Variants in LSAMP observed in about 807,000 individuals in gnomAD.
LSAMP encodes the protein limbic system-associated membrane protein.
Under a neutral mutation model 38.6 loss-of-function variants are expected in LSAMP, and 7 were observed. That is an observed-to-expected ratio of 0.18 (90% CI 0.10 to 0.34). The LOEUF is 0.34. Ranked by LOEUF, LSAMP falls within the 10% of genes least tolerant of loss-of-function variation. The probability of loss-of-function intolerance (pLI) is 1.00; values close to 1 mark genes in which losing one functional copy is unlikely to be tolerated. For synonymous variants in LSAMP, 154 were observed against 166.8 expected, an observed-to-expected ratio of 0.92 and a Z score of 0.59; for missense variants, 313 against 420.0, an observed-to-expected ratio of 0.75 and a Z score of 2.23.
At chr3:116,204,146 A>G (rs1396610476) in intron 1 of LSAMP, among the ~76,000 whole-genome samples, 6 of 152,166 alleles carry the variant, frequency 3.9e-5, no homozygotes, top group East Asian at 3.9e-4. Context: ...TTTCTCTGAT[A>G]GCCAGTGATG....
intron 1 of LSAMP, among the ~76,000 whole-genome samples, chr3:116,162,145 A>C (rs930910161): frequency 6.6e-6 from 1 of 152,196 alleles, no homozygotes; most frequent in Non-Finnish European, 1.5e-5. Flanking sequence ...AATGAATTCT[A>C]GTGCTAGTCT....
At chr3:115,936,413 G>A (rs1937702980) in intron 3 of LSAMP, among the ~76,000 whole-genome samples, 1 of 152,108 alleles carries the variant, frequency 6.6e-6, no homozygotes, top group Non-Finnish European at 1.5e-5. Context: ...TATTAATTTG[G>A]TGTGCTTTTT....
Position 116,293,528 on chromosome 3 carries a change from A to G in LSAMP, c.155+151349T>C, listed in dbSNP as rs570295500. Among the ~76,000 whole-genome samples the G allele has an allele frequency of 3.3e-5, 5 of 152,286 alleles. No homozygotes were observed. The South Asian group carries it at 1.0e-3, about 32-fold the overall frequency. On this transcript the variant is annotated intron_variant, in intron 1 of 6. Transcript: ENST00000490035. ...CATAGAACAAAAAAATGGAGGATTG[A>G]ATTTAGTCGCAGACAGTTCATACAG...
At chr3:116,189,461 G>T (rs1482422338) in intron 1 of LSAMP, among the ~76,000 whole-genome samples, 4 of 152,036 alleles carry the variant, frequency 2.6e-5, no homozygotes, top group Non-Finnish European at 5.9e-5. Context: ...ACTGTGTCTG[G>T]GCAATGTCAC....
intron 3 of LSAMP, among the ~76,000 whole-genome samples, chr3:115,856,192 T>C (rs1190734259): frequency 6.6e-6 from 1 of 152,202 alleles, no homozygotes; most frequent in Non-Finnish European, 1.5e-5. Flanking sequence ...ACAGACCCAA[T>C]GCTGGTGCTT....
In LSAMP at chr3:116,215,212, G is replaced by A. The variant is rs114435949; in HGVS notation, c.156-128656C>T. ...AAGGAATAAGTTGCTGAAGTGTGCT[G>A]TGGTCAACTGTGAGATGCTCTTCAA... On this transcript the variant is annotated intron_variant, in intron 1 of 6. Coordinates refer to ENST00000490035, the MANE Select transcript of LSAMP (RefSeq NM_002338.5). 4.6e-4 allele frequency among the ~76,000 whole-genome samples: 70 copies of A among 152,322 alleles called. 1 individual carries two copies. Among genetic ancestry groups the A allele is most frequent in the African/African-American group, 1.6e-3 (68 of 41,574 alleles).
intron 1 of LSAMP, among the ~76,000 whole-genome samples, chr3:116,134,084 G>A (rs555581166): frequency 6.6e-6 from 1 of 151,878 alleles, no homozygotes; most frequent in Non-Finnish European, 1.5e-5. Flanking sequence ...TAAAAGACGG[G>A]GTCTCATTTG....
At chr3:116,260,780 A>G (rs2046815656) in intron 1 of LSAMP, among the ~76,000 whole-genome samples, 1 of 152,164 alleles carries the variant, frequency 6.6e-6, no homozygotes. Flanking sequence ...ATTAGTGTGT[A>G]TCTATGCCTT....
At chr3:115,836,297 G>C (rs982749411) in intron 6 of LSAMP, among the ~76,000 whole-genome samples, 26 of 152,070 alleles carry the variant, frequency 1.7e-4, no homozygotes, top group African/African-American at 6.0e-4. Context: ...TCTTTCCTTA[G>C]ATGCTTCTCC....
intron 1 of LSAMP, among the ~76,000 whole-genome samples, chr3:116,331,499 A>G (rs925294704): frequency 2.0e-4 from 31 of 152,214 alleles, no homozygotes; most frequent in African/African-American, 7.5e-4. Context: ...CAACAAGAGA[A>G]AATGACACAT....
intron 1 of LSAMP, among the ~76,000 whole-genome samples, chr3:116,337,582 C>A (rs2047937345): frequency 6.6e-6 from 1 of 151,872 alleles, no homozygotes; most frequent in African/African-American, 2.4e-5. Context: ...CTTGCTGACC[C>A]AATGATTAAT....
intron 1 of LSAMP, among the ~76,000 whole-genome samples, chr3:116,281,943 C>A (rs12107026): frequency 0.013 from 1,924 of 152,278 alleles, 35 homozygotes; most frequent in African/African-American, 0.041. Context: ...TTTTAATTAA[C>A]CTTCTGACAC....
chr3:116,312,556 A>AT lies in LSAMP; in HGVS notation c.155+132320dup, dbSNP rs990117549. Among the ~76,000 whole-genome samples the AT allele has an allele frequency of 7.3e-5, 11 of 151,330 alleles. No homozygotes were observed. The South Asian group carries it at 1.9e-3, about 26-fold the overall frequency. On this transcript the variant is annotated intron_variant, in intron 1 of 6. Transcript: ENST00000490035. The stretch of plus-strand genomic sequence containing the variant: ...TAATCCATTTAATTTTTTCTTTTGT[A>AT]TTTTTTTTCTATCATCTATGCCTTT...
At chr3:116,329,300 T>C (rs1559830037) in intron 1 of LSAMP, among the ~76,000 whole-genome samples, 1 of 152,276 alleles carries the variant, frequency 6.6e-6, no homozygotes, top group East Asian at 1.9e-4. Context: ...GCAGCTCATG[T>C]GTAAGTAGAG....
chr3:116,065,391 T>C (rs1242493712), intron 2 of LSAMP, among the ~76,000 whole-genome samples: 1 of 152,210 alleles, frequency 6.6e-6, no homozygotes, highest in Non-Finnish European at 1.5e-5. Context: ...ATATTTTAGT[T>C]TTTATATTTG....
intron 2 of LSAMP, among the ~76,000 whole-genome samples, chr3:116,038,670 G>A (rs2107713790): frequency 6.6e-6 from 1 of 152,232 alleles, no homozygotes; most frequent in Non-Finnish European, 1.5e-5. Flanking sequence ...ACACACTACA[G>A]TCACTTAGCA....
intron 3 of LSAMP, among the ~76,000 whole-genome samples, chr3:116,014,681 G>A (rs1940427245): frequency 6.6e-6 from 1 of 152,120 alleles, no homozygotes; most frequent in Non-Finnish European, 1.5e-5. Context: ...GAAAGCCCCA[G>A]AGAAATAATT....
intron 1 of LSAMP, among the ~76,000 whole-genome samples, chr3:116,345,267 G>A (rs1335580039): frequency 1.3e-5 from 2 of 152,140 alleles, no homozygotes; most frequent in Admixed American, 6.5e-5. Flanking sequence ...AACTGAGTAT[G>A]AGATATCAAC....
At chr3:116,157,043 A>G (rs969598898) in intron 1 of LSAMP, among the ~76,000 whole-genome samples, 6 of 152,152 alleles carry the variant, frequency 3.9e-5, no homozygotes, top group Admixed American at 1.3e-4. Flanking sequence ...GAGGTGATCA[A>G]TCTTAGCCCA....
Sources: gnomAD v4.1 joint callset for allele counts (sites outside exome capture counted in the v4.1 genomes callset) on GRCh38, gnomAD v4.1.1 for gene constraint, MANE v1.5 for transcripts, NCBI Gene and HGNC (gene_info 2026-07-23, HGNC 2026-07-21) for gene names.